Variants in RP1 observed in about 807,000 individuals in gnomAD.
The protein encoded by RP1 is RP1 axonemal microtubule associated, also known as oxygen-regulated protein 1.
A neutral mutation model predicts 14.8 loss-of-function variants in RP1; 16 were observed. That is an observed-to-expected ratio of 1.08 (90% CI 0.73 to 1.65). RP1 has a LOEUF of 1.65. Among genes scored for constraint, RP1 ranks in the 40% most tolerant of loss-of-function variants. The pLI is 0.00. For synonymous variants in RP1, 876 were observed against 883.6 expected (o/e 0.99, Z 0.15); for missense variants, 2,631 against 2,535.0 (o/e 1.04, Z -0.81).
chr8:54,583,947 A>G (rs1804856705), intron 1 of RP1, among the ~76,000 whole-genome samples: 2 of 151,986 alleles, frequency 1.3e-5, no homozygotes. Flanking sequence ...TTTTCAAAAA[A>G]CCAGCTCCTG....
intron 1 of RP1, among the ~76,000 whole-genome samples, chr8:54,590,104 C>T (rs1805014568): frequency 1.3e-5 from 2 of 152,198 alleles, no homozygotes. Context: ...GTCCCATTCT[C>T]TTTCACCTTC....
chr8:54,861,499 G>T (rs777236547), intron 27 of RP1, among the ~76,000 whole-genome samples: 1 of 152,190 alleles, frequency 6.6e-6, no homozygotes, highest in African/African-American at 2.4e-5. Flanking sequence ...ATATTCTATT[G>T]CATAGTAATA....
At chr8:54,841,683 G>A (rs1811794300) in intron 25 of RP1, among the ~76,000 whole-genome samples, 1 of 152,194 alleles carries the variant, frequency 6.6e-6, no homozygotes, top group Admixed American at 6.5e-5. Flanking sequence ...TTGGTTGGGA[G>A]CAGCCCGGAG....
chr8:54,701,372 T>C (rs1808012229), intron 13 of RP1: 2 of 825,154 alleles, frequency 2.4e-6, no homozygotes, highest in South Asian at 4.2e-5. Context: ...ATTTTATAAA[T>C]AGTACAAAGT....
Position 54,701,616 on chromosome 8 carries a change from C to A in RP1, c.1952C>A (p.Ser651Ter). The change falls in exon 14 of 23, where the codon TCA becomes TAA. Residue 651 changes from serine to a stop codon, truncating the protein, a stop_gained. Transcript: ENST00000636932. LOFTEE classifies it high-confidence loss of function. ...CATGGCAAAATAGCTGATGCATCAT[C>A]AGCAGGCTATGCAAATCTTTCAAAA... 1 of 1,535,620 alleles carries A rather than the reference C, an allele frequency of 6.5e-7. No individual in the cohort carries two copies. The highest frequency in any genetic ancestry group is 8.7e-7 in the Non-Finnish European group (1 of 1,146,658).
intron 22 of RP1, among the ~76,000 whole-genome samples, chr8:54,763,336 G>C (rs1809686512): frequency 6.6e-6 from 1 of 152,194 alleles, no homozygotes; most frequent in Admixed American, 6.5e-5. Context: ...TCTCAATGTT[G>C]CCTTTCATAA....
downstream of RP1, chr8:54,770,070 C>CA: frequency 2.2e-6 from 1 of 447,944 alleles, no homozygotes. Flanking sequence ...TTCCCACTTA[C>CA]AATGTCATCA....
chr8:54,573,818 C>G (rs1401546292), intron 1 of RP1, among the ~76,000 whole-genome samples: 1 of 152,100 alleles, frequency 6.6e-6, no homozygotes, highest in African/African-American at 2.4e-5. Context: ...TGGAACAACT[C>G]CAATGTTTAA....
At chr8:54,744,086 G>C (rs1809163908) in intron 19 of RP1, among the ~76,000 whole-genome samples, 1 of 152,056 alleles carries the variant, frequency 6.6e-6, no homozygotes. Context: ...TTCACCATGG[G>C]GTCATATTTT....
intron 1 of RP1, among the ~76,000 whole-genome samples, chr8:54,595,371 C>T (rs899133772): frequency 1.2e-4 from 18 of 152,092 alleles, no homozygotes; most frequent in Admixed American, 6.5e-4. Flanking sequence ...CCTCGTGATC[C>T]GCCCGCCTCA....
intron 12 of RP1, among the ~76,000 whole-genome samples, chr8:54,686,523 T>C (rs1376699804): frequency 1.3e-5 from 2 of 152,138 alleles, no homozygotes; most frequent in Non-Finnish European, 2.9e-5. Context: ...TAGGCAATAC[T>C]ATGCCTAAAA....
chr8:54,782,185 ATGAACTGTAGTTCC>A (rs1810205353), intron 23 of RP1, among the ~76,000 whole-genome samples: 1 of 152,196 alleles, frequency 6.6e-6, no homozygotes, highest in Admixed American at 6.5e-5. Context: ...ATTTTCCCAC[ATGAACTGTAGTTCC>A]TGAAAGCTGG....
intron 1 of RP1, among the ~76,000 whole-genome samples, chr8:54,585,791 G>A (rs1159214556): frequency 2.6e-5 from 4 of 152,042 alleles, no homozygotes; most frequent in African/African-American, 9.7e-5. Flanking sequence ...GATCGAATCG[G>A]CTACTGAGGC....
rs778979885 is a variant in RP1, at chr8:54,627,417, T to C, written c.3535T>C (p.Leu1179=). The C allele has an allele frequency of 6.2e-7, 1 of 1,614,172 alleles. No homozygotes were observed. The highest frequency in any genetic ancestry group is 1.1e-5 in the South Asian group (1 of 91,080). The change falls in exon 4 of 4, where the codon TTG becomes CTG. Residue 1179 remains leucine, a synonymous_variant. Transcript: ENST00000220676. ...AGCTATCACAGAGGAAGCTGATGAC[T>C]TGAAAGCTGCTGTTGCCAATTTAGT... ...HIAITEEADD[L]KAAVANLVES...
At chr8:54,688,504 G>A (rs1287616747) in intron 12 of RP1, among the ~76,000 whole-genome samples, 3 of 152,158 alleles carry the variant, frequency 2.0e-5, no homozygotes, top group Non-Finnish European at 4.4e-5. Flanking sequence ...GTGTAAGGAA[G>A]GGATCCAGTT....
Position 54,626,740 on chromosome 8 carries a change from C to G in RP1, c.2858C>G (p.Ser953Ter). The change falls in exon 4 of 4, where the codon TCA (serine) becomes TGA (stop). Residue 953 changes from serine to a stop codon, truncating the protein, a stop_gained. Transcript: ENST00000220676. LOFTEE classifies it low-confidence loss of function (END_TRUNC). ...SVVNCSNNSF[S>*]GNDPHTNSGK... ...GTAAATTGTAGCAATAATAGTTTTT[C>G]AGGGAATGATCCCCATACAAATTCT... 6.2e-7 allele frequency: 1 copy of G among 1,613,872 alleles called. No individual in the cohort carries two copies. The highest frequency in any genetic ancestry group is 1.1e-5 in the South Asian group (1 of 91,054).
At chr8:54,655,289 G>C (rs1806732125) in intron 5 of RP1, among the ~76,000 whole-genome samples, 1 of 152,074 alleles carries the variant, frequency 6.6e-6, no homozygotes, top group Admixed American at 6.5e-5. Context: ...TCAATTACTG[G>C]AACTCCAAGA....
rs1276684118 is a variant in RP1 at position 54,628,849 on chromosome 8, T to C, written c.4967T>C (p.Val1656Ala). 6.2e-7 allele frequency: 1 copy of C among 1,614,120 alleles called. No homozygotes were observed. Among genetic ancestry groups the C allele is most frequent in the Admixed American group, 1.7e-5 (1 of 60,018 alleles). Residue 1656 changes from valine (V) to alanine (A), a missense_variant, in exon 4 of 4, where the codon GTT (valine) becomes GCT (alanine). Transcript: ENST00000220676. ...FFPGSTRKSQVCPYNSVEFQC... is the reference protein window; with the variant it reads ...FFPGSTRKSQACPYNSVEFQC... ...CCTGGGTCTACCCGCAAATCTCAGG[T>C]TTGTCCTTATAATTCTGTGGAATTT...
At chr8:54,712,413 C>T (rs1554526280) in intron 15 of RP1, among the ~76,000 whole-genome samples, 1 of 152,106 alleles carries the variant, frequency 6.6e-6, no homozygotes, top group Non-Finnish European at 1.5e-5. Flanking sequence ...CTGTGGTGTC[C>T]TAGCTCTTCA....
Sources: allele counts gnomAD v4.1 joint callset (sites outside exome capture counted in the v4.1 genomes callset), GRCh38; gene constraint gnomAD v4.1.1; transcripts MANE v1.5; gene names NCBI Gene and HGNC (gene_info 2026-07-23, HGNC 2026-07-21).